The following RIN3 variants were observed in gnomAD, a reference collection of about 807,000 sequenced individuals.
The protein encoded by RIN3 is Ras and Rab interactor 3, also known as RAB5 interacting protein 3.
RIN3 carries 54 observed loss-of-function variants against 76.3 expected under a neutral mutation model. The ratio of observed to expected loss-of-function variants is 0.71; its 90% CI spans 0.57 to 0.89. The LOEUF (loss-of-function observed/expected upper bound fraction) is 0.89, where lower values mean the gene tolerates loss of function less well. RIN3 is among the 40% of genes least tolerant of loss of function. RIN3 has a pLI of 0.00. For synonymous variants in RIN3, 576 were observed against 564.0 expected (o/e 1.02, Z -0.30); for missense variants, 1,256 against 1,322.1 (o/e 0.95, Z 0.78).
intron 7 of RIN3, among the ~76,000 whole-genome samples, chr14:92,661,100 A>G (rs1595493515): frequency 6.6e-6 from 1 of 152,204 alleles, no homozygotes; most frequent in African/African-American, 2.4e-5. Flanking sequence ...AGGATAAAAG[A>G]CCCTAAGACC....
chr14:92,551,898 C>A (rs1897436999), intron 1 of RIN3, among the ~76,000 whole-genome samples: 1 of 152,184 alleles, frequency 6.6e-6, no homozygotes, highest in Non-Finnish European at 1.5e-5. Flanking sequence ...TCTATTTTTT[C>A]TTTTATGATC....
chr14:92,549,771 G>A (rs886404795), intron 1 of RIN3, among the ~76,000 whole-genome samples: 6 of 152,242 alleles, frequency 3.9e-5, no homozygotes, highest in African/African-American at 1.2e-4. Flanking sequence ...TCCGGCGGCA[G>A]CCATAGGATC....
intron 9 of RIN3, 125 bp from the exon 10 acceptor site, chr14:92,687,801 T>G: frequency 2.4e-6 from 2 of 832,906 alleles, no homozygotes; most frequent in Non-Finnish European, 3.5e-6. Context: ...AAGGCGCAGG[T>G]GCCGGACTCG....
intron 1 of RIN3, among the ~76,000 whole-genome samples, chr14:92,519,298 G>A (rs544965979): frequency 9.8e-5 from 15 of 152,312 alleles, no homozygotes; most frequent in African/African-American, 3.6e-4. Flanking sequence ...TTATTGCTGT[G>A]GTTTTATTTT....
chr14:92,560,793 T>C (rs1293255577), intron 2 of RIN3, among the ~76,000 whole-genome samples: 6 of 151,304 alleles, frequency 4.0e-5, no homozygotes, highest in African/African-American at 1.5e-4. Flanking sequence ...CCAAGGCGGG[T>C]GGATCACCTG....
At chr14:92,569,294 G>A (rs1344571969) in intron 2 of RIN3, among the ~76,000 whole-genome samples, 1 of 152,202 alleles carries the variant, frequency 6.6e-6, no homozygotes, top group Non-Finnish European at 1.5e-5. Context: ...TGGGGTGAGT[G>A]GAGCGTGGTC....
chr14:92,654,347 A>G (rs1453841264), intron 6 of RIN3, among the ~76,000 whole-genome samples: 11 of 150,272 alleles, frequency 7.3e-5, no homozygotes, highest in Admixed American at 7.3e-4. Flanking sequence ...GAAAAAAAAT[A>G]CATTCTGTCA....
intron 4 of RIN3, among the ~76,000 whole-genome samples, chr14:92,639,319 G>A (rs957545731): frequency 6.6e-6 from 1 of 152,236 alleles, no homozygotes; most frequent in Non-Finnish European, 1.5e-5. Context: ...ACTGGCATCA[G>A]GATTTGGGGA....
chr14:92,598,906 C>T (rs1301999828), intron 3 of RIN3, among the ~76,000 whole-genome samples: 2 of 152,132 alleles, frequency 1.3e-5, no homozygotes, highest in African/African-American at 2.4e-5. Flanking sequence ...GAGTGAGACC[C>T]CAGGGTAACA....
At chr14:92,657,257 G>C (rs941262520) in intron 6 of RIN3, among the ~76,000 whole-genome samples, 1 of 152,126 alleles carries the variant, frequency 6.6e-6, no homozygotes, top group Non-Finnish European at 1.5e-5. Context: ...CTACTCAGGA[G>C]GCTGAGGCAG....
Position 92,561,153 on chromosome 14 carries a change from A to T in RIN3, c.249+5198A>T, listed in dbSNP as rs867234552. 5.6e-3 allele frequency among the ~76,000 whole-genome samples: 707 copies of T among 127,044 alleles called. 12 individuals are homozygous for T. The highest frequency in any genetic ancestry group is 0.018 in the African/African-American group (647 of 35,270). 83.3% of individuals were successfully genotyped at this position (127,044 alleles called of 152,430 possible). Reference sequence around the variant, plus strand: ...TTTATATTTATATATATTTTTATATATATATTTATATATATATATACCGAC... The same window carrying T: ...TTTATATTTATATATATTTTTATATTTATATTTATATATATATATACCGAC... On this transcript the variant is annotated intron_variant, in intron 2 of 9. Coordinates refer to ENST00000216487, the MANE Select transcript of RIN3 (RefSeq NM_024832.5).
intron 1 of RIN3, among the ~76,000 whole-genome samples, chr14:92,518,983 C>T (rs1166233074): frequency 6.6e-6 from 1 of 152,080 alleles, no homozygotes; most frequent in Admixed American, 6.6e-5. Flanking sequence ...GGATTTTATT[C>T]TAGGAAGCTG....
At chr14:92,605,212 C>T (rs1885486088) in intron 3 of RIN3, among the ~76,000 whole-genome samples, 1 of 152,138 alleles carries the variant, frequency 6.6e-6, no homozygotes, top group South Asian at 2.1e-4. Flanking sequence ...CTCCCCGCCC[C>T]ATTTACTCTT....
At chr14:92,680,200 C>CTTT (rs34005662) in intron 8 of RIN3, among the ~76,000 whole-genome samples, 3 of 134,316 alleles carry the variant, frequency 2.2e-5, no homozygotes, top group Admixed American at 7.5e-5. Flanking sequence ...CTCTCTGGCA[C>CTTT]TTTTTTTTTT....
chr14:92,546,972 A>T (rs955195992), intron 1 of RIN3, among the ~76,000 whole-genome samples: 5 of 143,858 alleles, frequency 3.5e-5, no homozygotes, highest in African/African-American at 1.3e-4. Flanking sequence ...GAAACTGTTT[A>T]TTTAAAATTA....
At position 92,687,942 on chromosome 14, in the gene RIN3, C is replaced by T; in HGVS notation, c.2648C>T (p.Ser883Leu). The T allele has an allele frequency of 1.9e-6, 3 of 1,548,522 alleles. No individual in the cohort carries two copies. Among genetic ancestry groups the T allele is most frequent in the Admixed American group, 2.0e-5 (1 of 50,760 alleles). Reference protein sequence around the residue: ...RSSVQDFICVSYLEPEQQART... With the variant: ...RSSVQDFICVLYLEPEQQART... ...TCTCCGCAGGACTTCATCTGCGTGT[C>T]GTACCTGGAGCCCGAGCAGCAGGCG... The change falls in exon 10 of 10, where the codon TCG becomes TTG. Residue 883 changes from serine (S) to leucine (L), a missense_variant. This residue lies in a region of RIN3 where 218 missense variants were observed against 174.5 expected (regional missense o/e 1.25). Coordinates refer to ENST00000216487, the MANE Select transcript of RIN3 (RefSeq NM_024832.5).
Position 92,659,456 on chromosome 14 carries a change from C to A in RIN3, c.2322C>A (p.Ala774=). 1 of 1,603,746 alleles carries A rather than the reference C, an allele frequency of 6.2e-7. No homozygotes were observed. Among genetic ancestry groups the A allele is most frequent in the Non-Finnish European group, 8.5e-7 (1 of 1,174,854 alleles). The change falls in exon 7 of 10, where the codon GCC becomes GCA. Residue 774 remains alanine, a synonymous_variant. Coordinates refer to ENST00000216487, the MANE Select transcript of RIN3 (RefSeq NM_024832.5). ...GCAAACTCATCTACGACTCCATGGC[C>A]CTCGGCAACCCAGGTCAGTGGGCAG... ...KTCKLIYDSM[A]LGNPGKPYGA... is the part of the protein sequence containing the mutation.
Position 92,652,825 on chromosome 14 carries a change from C to T in RIN3, c.1776C>T (p.His592=), listed in dbSNP as rs369512774. The T allele has an allele frequency of 1.1e-5, 17 of 1,613,990 alleles. No homozygotes were observed. In the African/African-American group the frequency reaches 1.7e-4, roughly 16 times the overall value. ...LSFASFSSMF[H]AFLSNNRKLY... is the part of the protein sequence containing the mutation. ...TTGCCAGTTTCAGCAGCATGTTCCA[C>T]GCTTTCCTCTCCAACAACCGCAAGC... The change falls in exon 6 of 10, where the codon CAC becomes CAT. Residue 592 remains histidine (H), a synonymous_variant. Transcript: ENST00000216487. The surrounding 1 kb of genome is among the most constrained non-coding windows in gnomAD (Gnocchi z 6.4).
chr14:92,550,573 GC>G (rs1177526295), intron 1 of RIN3, among the ~76,000 whole-genome samples: 5 of 152,060 alleles, frequency 3.3e-5, no homozygotes, highest in African/African-American at 1.2e-4. Flanking sequence ...ACGCCATCAT[GC>G]CTGGCTAATT....
Sources: gnomAD v4.1 joint callset for allele counts (sites outside exome capture counted in the v4.1 genomes callset) on GRCh38, gnomAD v4.1.1 for gene constraint, gnomAD v4.1.1 regional missense constraint, Gnocchi (gnomAD v3.1) non-coding constraint, MANE v1.5 for transcripts, NCBI Gene and HGNC (gene_info 2026-07-23, HGNC 2026-07-21) for gene names.